The following LMOD1 variants were observed in gnomAD, a reference collection of about 807,000 sequenced individuals.
LMOD1 encodes the protein leiomodin 1, also known as leiomodin-1.
In LMOD1, 8 loss-of-function variants were observed where a neutral mutation model predicts 36.5. That is an observed-to-expected ratio of 0.22 (90% CI 0.13 to 0.40). LMOD1 has a LOEUF of 0.40. Among genes scored for constraint, LMOD1 ranks in the 10% least tolerant of loss-of-function variants. The pLI is 1.00. For synonymous variants in LMOD1, 284 were observed against 288.7 expected (o/e 0.98, Z 0.17); for missense variants, 630 against 751.1 (o/e 0.84, Z 1.88).
rs1553298203 is a variant in LMOD1 at position 201,927,600 on chromosome 1, AAG to A, written c.261+18478_261+18479del. 7.9e-5 allele frequency among the ~76,000 whole-genome samples: 12 copies of A among 152,064 alleles called. No individual in the cohort carries two copies. The South Asian group carries it at 2.5e-3, about 32-fold the overall frequency. Reference sequence around the variant, plus strand: ...CAAACAAAAAAAACAAAAAAAAAAAAAGAAGAATTTGTTATACTTTTCAGTGA... The same window carrying A: ...CAAACAAAAAAAACAAAAAAAAAAAAAAGAATTTGTTATACTTTTCAGTGA... On this transcript the variant is annotated intron_variant, in intron 1 of 2. Transcript: ENST00000367288.
At chr1:201,901,721 A>G (rs1178739653) in intron 1 of LMOD1, among the ~76,000 whole-genome samples, 1 of 138,316 alleles carries the variant, frequency 7.2e-6, no homozygotes, top group African/African-American at 2.7e-5. Context: ...AACATCAGTT[A>G]TCTTGCTCAC....
chr1:201,923,333 T>A (rs985353035), intron 1 of LMOD1, among the ~76,000 whole-genome samples: 14 of 152,044 alleles, frequency 9.2e-5, no homozygotes, highest in African/African-American at 3.4e-4. Context: ...AAGAGATGCA[T>A]CTCCCATTCA....
At position 201,901,543 on chromosome 1, in the gene LMOD1, TATATATATAC is replaced by T. The variant is rs1485583494; in HGVS notation, c.262-802_262-793del. ...ATATATATATATGTATATATATATA[TATATATATAC>T]ATATATATATGTATATATATATATA... On this transcript the variant is annotated intron_variant, in intron 1 of 2. Transcript: ENST00000367288. Among the ~76,000 whole-genome samples the T allele has an allele frequency of 6.1e-3, 100 of 16,502 alleles. 5 individuals are homozygous for T. The highest frequency in any genetic ancestry group is 8.0e-3 in the Non-Finnish European group (82 of 10,290). The allele number at this position is 16,502 out of a possible 152,430, so 10.8% of individuals were successfully genotyped here.
At chr1:201,914,422 G>A (rs1475692573) in intron 1 of LMOD1, among the ~76,000 whole-genome samples, 1 of 152,130 alleles carries the variant, frequency 6.6e-6, no homozygotes, top group Non-Finnish European at 1.5e-5. Context: ...ATCACATCTG[G>A]TACGGGGCGG....
rs901095024 is a variant in LMOD1, at chr1:201,921,426, TG to T, written c.262-20676del. 1.4e-4 allele frequency among the ~76,000 whole-genome samples: 19 copies of T among 138,752 alleles called. 1 individual carries two copies. Among genetic ancestry groups the T allele is most frequent in the Admixed American group, 9.8e-4 (12 of 12,296 alleles). 91.0% of individuals were successfully genotyped at this position (138,752 alleles called of 152,430 possible). A position where few individuals can be genotyped will look rare whatever the true frequency, so the allele number is the denominator to read the frequency against. On this transcript the variant is annotated intron_variant, in intron 1 of 2. Transcript: ENST00000367288. ...CTGCTTGACCCCAGGAGGTGGAGGT[TG>T]CAGTGAGCTGAGATTGCACCACTGC...
chr1:201,926,907 A>C (rs897083198), intron 1 of LMOD1, among the ~76,000 whole-genome samples: 2 of 152,120 alleles, frequency 1.3e-5, no homozygotes, highest in Non-Finnish European at 1.5e-5. Context: ...CAGTAAGCTG[A>C]GATTGCACCA....
intron 1 of LMOD1, among the ~76,000 whole-genome samples, chr1:201,916,412 G>A (rs915071230): frequency 6.6e-6 from 1 of 152,004 alleles, no homozygotes; most frequent in African/African-American, 2.4e-5. Flanking sequence ...TACCTGGGAG[G>A]CTGAGGTGAG....
rs1681205321 is a variant in LMOD1, at chr1:201,896,966, A to G, written c.*1406T>C. On this transcript the variant is annotated 3_prime_UTR_variant, in exon 3 of 3. Transcript: ENST00000367288. Reference sequence around the variant, plus strand: ...AGGCAACCTGGAGGCAGAGAAACCTACAAGTGACACAGACCCAAGGTGGCA... The same window carrying G: ...AGGCAACCTGGAGGCAGAGAAACCTGCAAGTGACACAGACCCAAGGTGGCA... 1.4e-5 allele frequency: 5 copies of G among 347,256 alleles called. No individual in the cohort carries two copies. Among genetic ancestry groups the G allele is most frequent in the Non-Finnish European group, 2.9e-5 (5 of 174,368 alleles). The allele number at this position is 347,256 out of a possible 1,614,324, so 21.5% of individuals were successfully genotyped here. A position where few individuals can be genotyped will look rare whatever the true frequency, so the allele number is the denominator to read the frequency against.
chr1:201,914,987 C>T (rs369104070), intron 1 of LMOD1, among the ~76,000 whole-genome samples: 5 of 152,180 alleles, frequency 3.3e-5, no homozygotes, highest in African/African-American at 1.2e-4. Context: ...ATTCATTCCT[C>T]AATCCAACAC....
intron 1 of LMOD1, among the ~76,000 whole-genome samples, chr1:201,945,679 G>A (rs977177442): frequency 3.3e-5 from 5 of 152,124 alleles, no homozygotes; most frequent in Non-Finnish European, 7.4e-5. Flanking sequence ...GTCTTTTTGG[G>A]TGGCTGACAG....
chr1:201,901,541 TATATATATATAC>T (rs1235926211), intron 1 of LMOD1, among the ~76,000 whole-genome samples: 12 of 20,040 alleles, frequency 6.0e-4, no homozygotes, highest in South Asian at 2.0e-3. Flanking sequence ...TATATATATA[TATATATATATAC>T]ATATATATAT....
chr1:201,898,896 C>G (rs1417125316), intron 2 of LMOD1, among the ~76,000 whole-genome samples: 1 of 152,138 alleles, frequency 6.6e-6, no homozygotes, highest in Non-Finnish European at 1.5e-5. Context: ...ATGGAGAAGA[C>G]TTAAAGGAAG....
rs142862268 is a variant in LMOD1 at position 201,905,354 on chromosome 1, C to T, written c.262-4603G>A. Among the ~76,000 whole-genome samples the T allele has an allele frequency of 4.8e-4, 73 of 152,278 alleles. 1 individual carries two copies. Among genetic ancestry groups the T allele is most frequent in the Admixed American group, 1.2e-3 (18 of 15,300 alleles). On this transcript the variant is annotated intron_variant, in intron 1 of 2. Coordinates refer to ENST00000367288, the MANE Select transcript of LMOD1 (RefSeq NM_012134.3). ...GATGTTGCTCTGTGTCTGCCACGTG[C>T]GTTAGGATCCAAGTTTAATGCCTTT...
At chr1:201,928,211 T>C (rs1027467954) in intron 1 of LMOD1, among the ~76,000 whole-genome samples, 2 of 152,232 alleles carry the variant, frequency 1.3e-5, no homozygotes, top group Non-Finnish European at 2.9e-5. Flanking sequence ...CAGTCTGTAG[T>C]ATTTTTTTAT....
At chr1:201,933,647 A>C in intron 1 of LMOD1, among the ~76,000 whole-genome samples, 1 of 145,252 alleles carries the variant, frequency 6.9e-6, no homozygotes, top group African/African-American at 2.5e-5. Context: ...CTAGGGGATT[A>C]GAAATCAGGA....
At chr1:201,898,524 C>CT (rs1292628151) in intron 2 of LMOD1, 126 bp from the exon 3 acceptor site, 2 of 734,928 alleles carry the variant, frequency 2.7e-6, no homozygotes, top group African/African-American at 3.6e-5. Flanking sequence ...GGTGTTGACA[C>CT]TGAGGGAGCA....
At chr1:201,922,456 A>T (rs1366189445) in intron 1 of LMOD1, among the ~76,000 whole-genome samples, 1 of 152,222 alleles carries the variant, frequency 6.6e-6, no homozygotes, top group African/African-American at 2.4e-5. Context: ...CCTTGAAAAC[A>T]TAACTGAAAG....
intron 1 of LMOD1, among the ~76,000 whole-genome samples, chr1:201,905,557 G>T (rs1301980246): frequency 6.6e-6 from 1 of 152,234 alleles, no homozygotes; most frequent in Non-Finnish European, 1.5e-5. Context: ...ATGAGAACTT[G>T]CTGAGAGCAA....
chr1:201,911,893 T>G (rs547766467), intron 1 of LMOD1, among the ~76,000 whole-genome samples: 1 of 152,240 alleles, frequency 6.6e-6, no homozygotes, highest in East Asian at 1.9e-4. Flanking sequence ...ATAATAAGGC[T>G]GGGAAGAGGC....
Sources: gnomAD v4.1 joint callset for allele counts (sites outside exome capture counted in the v4.1 genomes callset) on GRCh38, gnomAD v4.1.1 for gene constraint, MANE v1.5 for transcripts, NCBI Gene and HGNC (gene_info 2026-07-23, HGNC 2026-07-21) for gene names.